KCNIP4: variants seen among roughly 807,000 people sequenced by gnomAD.
The protein encoded by KCNIP4 is potassium voltage-gated channel interacting protein 4.
In KCNIP4, 12 loss-of-function variants were observed where a neutral mutation model predicts 34.0. The observed-to-expected ratio is 0.35, with a 90% CI of 0.23 to 0.57. The LOEUF (loss-of-function observed/expected upper bound fraction) is 0.57, where lower values mean the gene tolerates loss of function less well. KCNIP4 is among the 20% of genes least tolerant of loss of function. The pLI, the probability that KCNIP4 is intolerant of heterozygous loss-of-function variation, is 0.83. For missense variants in KCNIP4, 238 were observed against 311.7 expected (o/e 0.76, Z 1.78); for synonymous variants, 124 against 102.2 (o/e 1.21, Z -1.29).
chr4:21,711,699 A>G (rs2109077421), intron 1 of KCNIP4, among the ~76,000 whole-genome samples: 1 of 152,300 alleles, frequency 6.6e-6, no homozygotes, highest in Non-Finnish European at 1.5e-5. Context: ...TGTTTTTCAT[A>G]TTGTTTTTGC....
chr4:21,240,370 TATAATA>T lies in KCNIP4; in HGVS notation c.62-357667_62-357662del, dbSNP rs533394566. Among the ~76,000 whole-genome samples, 51 of 151,856 alleles carry T rather than the reference TATAATA, an allele frequency of 3.4e-4. No homozygotes were observed. The South Asian group carries it at 5.0e-3, about 15-fold the overall frequency. On this transcript the variant is annotated intron_variant, in intron 1 of 8. Transcript: ENST00000382152. ...TGCACATGTACCCTAAAACTTAAAG[TATAATA>T]ATAATAAAATGAAAAAATTTAAAAA... is the stretch of plus-strand genomic sequence containing the variant.
intron 1 of KCNIP4, among the ~76,000 whole-genome samples, chr4:21,415,902 T>C (rs968935168): frequency 1.3e-5 from 2 of 151,956 alleles, no homozygotes; most frequent in Non-Finnish European, 2.9e-5. Flanking sequence ...GTGGGAAAGA[T>C]ATGGGATGAT....
At chr4:21,302,377 C>T (rs1480242439) in intron 1 of KCNIP4, among the ~76,000 whole-genome samples, 3 of 152,160 alleles carry the variant, frequency 2.0e-5, no homozygotes, top group South Asian at 2.1e-4. Context: ...ACAAGTCCCT[C>T]AACAGAGCTA....
chr4:20,741,296 TC>T (rs200084201), intron 5 of KCNIP4, among the ~76,000 whole-genome samples: 2,829 of 152,280 alleles, frequency 0.019, 40 homozygotes, highest in Non-Finnish European at 0.03. Context: ...TCACACTTAT[TC>T]CAAAATTGAC....
At chr4:21,446,329 G>A (rs1460314429) in intron 1 of KCNIP4, among the ~76,000 whole-genome samples, 4 of 152,040 alleles carry the variant, frequency 2.6e-5, no homozygotes, top group African/African-American at 9.7e-5. Flanking sequence ...GCACACATAT[G>A]TTTATTGCAG....
chr4:20,904,993 C>T (rs1356940879), intron 1 of KCNIP4, among the ~76,000 whole-genome samples: 1 of 152,138 alleles, frequency 6.6e-6, no homozygotes. Context: ...ACAGTTTTTT[C>T]AGCCCAGTTC....
At chr4:21,184,319 G>T (rs1755054798) in intron 1 of KCNIP4, among the ~76,000 whole-genome samples, 1 of 152,112 alleles carries the variant, frequency 6.6e-6, no homozygotes, top group Non-Finnish European at 1.5e-5. Flanking sequence ...TTTTACATTA[G>T]AATAACAGTA....
rs1180663018 is a variant in KCNIP4 at position 21,411,186 on chromosome 4, G to A, written c.62-528477C>T. Among the ~76,000 whole-genome samples, 9 of 152,128 alleles carry A rather than the reference G, an allele frequency of 5.9e-5. 1 individual carries two copies. The highest frequency in any genetic ancestry group is 5.2e-4 in the Admixed American group (8 of 15,258). Reference sequence around the variant, plus strand: ...GACAGTGAAATTTAGGGTAACAGATGTCTTGAGGCTGGAAAAGGGGCAAAG... The same window carrying A: ...GACAGTGAAATTTAGGGTAACAGATATCTTGAGGCTGGAAAAGGGGCAAAG... On this transcript the variant is annotated intron_variant, in intron 1 of 8. Coordinates refer to ENST00000382152, the MANE Select transcript of KCNIP4 (RefSeq NM_025221.6).
chr4:20,806,385 T>C (rs1715089269), intron 3 of KCNIP4, among the ~76,000 whole-genome samples: 1 of 152,072 alleles, frequency 6.6e-6, no homozygotes, highest in African/African-American at 2.4e-5. Context: ...CAGAGGCAAC[T>C]ACTTCAATGC....
At chr4:20,973,736 G>A (rs1159007306) in intron 1 of KCNIP4, among the ~76,000 whole-genome samples, 1 of 152,020 alleles carries the variant, frequency 6.6e-6, no homozygotes, top group East Asian at 1.9e-4. Context: ...ATTATTAATT[G>A]GCCTAATTTC....
In KCNIP4 at chr4:21,948,652, G is replaced by A. The variant is rs1418505241; in HGVS notation, c.-21C>T. The A allele has an allele frequency of 6.2e-7, 1 of 1,609,378 alleles. No homozygotes were observed. Among genetic ancestry groups the A allele is most frequent in the East Asian group, 2.2e-5 (1 of 44,752 alleles). ...TTCATGTCTAGGGACGCAGGGTGCA[G>A]AAGCGAGACTCGAGAGTCCACCGGC... On this transcript the variant is annotated 5_prime_UTR_variant, in exon 1 of 9. Transcript: ENST00000382152.
At chr4:20,840,325 A>G (rs2149470258) in intron 3 of KCNIP4, among the ~76,000 whole-genome samples, 1 of 152,310 alleles carries the variant, frequency 6.6e-6, no homozygotes, top group African/African-American at 2.4e-5. Flanking sequence ...TGGGTCTTGT[A>G]CATCCCCTAG....
At chr4:21,071,818 G>A (rs1427623512) in intron 1 of KCNIP4, among the ~76,000 whole-genome samples, 3 of 152,018 alleles carry the variant, frequency 2.0e-5, no homozygotes, top group African/African-American at 7.3e-5. Flanking sequence ...ACAGTCCCCG[G>A]TGTGTGATGT....
intron 1 of KCNIP4, among the ~76,000 whole-genome samples, chr4:21,573,157 G>T (rs1249490337): frequency 2.0e-5 from 3 of 152,152 alleles, no homozygotes; most frequent in Non-Finnish European, 2.9e-5. Flanking sequence ...AGTAGCATTA[G>T]TAGCAGCAAC....
At chr4:21,563,436 T>C (rs569425174) in intron 1 of KCNIP4, among the ~76,000 whole-genome samples, 1 of 152,226 alleles carries the variant, frequency 6.6e-6, no homozygotes, top group South Asian at 2.1e-4. Context: ...TGTGTTACTA[T>C]ATTCAAATTG....
intron 1 of KCNIP4, among the ~76,000 whole-genome samples, chr4:21,177,560 C>T (rs1176526330): frequency 6.6e-6 from 1 of 152,016 alleles, no homozygotes; most frequent in Non-Finnish European, 1.5e-5. Flanking sequence ...GGCACAGCGG[C>T]TCACACCTGT....
chr4:20,856,159 G>A (rs1180540759), intron 2 of KCNIP4, among the ~76,000 whole-genome samples: 3 of 152,176 alleles, frequency 2.0e-5, no homozygotes, highest in African/African-American at 7.2e-5. Context: ...CTTCAACTAT[G>A]TTGTATTATT....
chr4:21,790,532 T>G (rs541421751), intron 1 of KCNIP4, among the ~76,000 whole-genome samples: 2 of 152,210 alleles, frequency 1.3e-5, no homozygotes, highest in East Asian at 1.9e-4. Flanking sequence ...CTTTAAATTT[T>G]TTAAAAAATT....
At position 21,858,599 on chromosome 4, in the gene KCNIP4, A is replaced by G. The variant is rs1724890637; in HGVS notation, c.61+89972T>C. ...AAAAGGTTCACTGTAATATTACAAT[A>G]AAAATTACTTTTACAAGCACATTGG... On this transcript the variant is annotated intron_variant, in intron 1 of 8. Transcript: ENST00000382152. Among the ~76,000 whole-genome samples, 5 of 152,364 alleles carry G rather than the reference A, an allele frequency of 3.3e-5. No homozygotes were observed. The South Asian group carries it at 8.3e-4, about 25-fold the overall frequency.
Sources: allele counts gnomAD v4.1 joint callset (sites outside exome capture counted in the v4.1 genomes callset), GRCh38; gene constraint gnomAD v4.1.1; transcripts MANE v1.5; gene names NCBI Gene and HGNC (gene_info 2026-07-23, HGNC 2026-07-21).